The following SENP6 variants were observed in gnomAD, a reference collection of about 807,000 sequenced individuals.
SENP6 encodes SUMO specific peptidase 6.
A neutral mutation model predicts 134.5 loss-of-function variants in SENP6; 41 were observed. The observed-to-expected ratio is 0.30, with a 90% CI of 0.24 to 0.40. The LOEUF is 0.40. Among genes scored for constraint, SENP6 ranks in the 10% least tolerant of loss-of-function variants. The pLI is 1.00. For synonymous variants in SENP6, 395 were observed against 429.8 expected (o/e 0.92, Z 1.00); for missense variants, 1,248 against 1,312.5 (o/e 0.95, Z 0.76).
chr6:75,681,711 C>CT (rs1773478716), intron 16 of SENP6, among the ~76,000 whole-genome samples: 1 of 152,020 alleles, frequency 6.6e-6, no homozygotes, highest in African/African-American at 2.4e-5. Flanking sequence ...GATGACAACT[C>CT]TTGAAACAAA....
chr6:75,702,995 C>A lies in SENP6; in HGVS notation c.2639C>A (p.Thr880Lys). 7 of 1,613,852 alleles carry A rather than the reference C, an allele frequency of 4.3e-6. No homozygotes were observed. The highest frequency in any genetic ancestry group is 5.9e-6 in the Non-Finnish European group (7 of 1,179,868). ...GAAGAATTCAATAAAGGAGAATCTA[C>A]ATCCCAGAAAGTTGCTGATAGGACT... is the stretch of plus-strand genomic sequence containing the variant. ...ENEEFNKGES[T>K]SQKVADRTKS... The change falls in exon 19 of 24, where the codon ACA (threonine) becomes AAA (lysine). Residue 880 changes from threonine (T) to lysine (K), a missense_variant. Coordinates refer to ENST00000447266, the MANE Select transcript of SENP6 (RefSeq NM_015571.4).
At chr6:75,640,768 G>T in intron 6 of SENP6, 64 bp downstream of exon 6, 2 of 1,032,822 alleles carry the variant, frequency 1.9e-6, no homozygotes, top group Non-Finnish European at 1.4e-6. Context: ...TTATTTATAT[G>T]TTTTGAAAAA....
intron 16 of SENP6, among the ~76,000 whole-genome samples, chr6:75,687,992 C>A (rs1199983607): frequency 6.6e-6 from 1 of 152,236 alleles, no homozygotes; most frequent in Non-Finnish European, 1.5e-5. Flanking sequence ...CAGCTATGCC[C>A]TGCCCACAGT....
At chr6:75,701,705 T>G (rs775940473) in intron 18 of SENP6, among the ~76,000 whole-genome samples, 1 of 121,324 alleles carries the variant, frequency 8.2e-6, no homozygotes, top group Admixed American at 1.2e-4. Context: ...AGTGGCACAA[T>G]CTCAGCTCAC....
At chr6:75,672,918 C>T (rs999294157) in intron 11 of SENP6, among the ~76,000 whole-genome samples, 10 of 152,090 alleles carry the variant, frequency 6.6e-5, no homozygotes, top group Non-Finnish European at 7.3e-5. Context: ...AGCTCCGCCT[C>T]CTGGGTTCAT....
intron 6 of SENP6, chr6:75,646,404 T>G (rs1770441307): frequency 6.6e-6 from 1 of 152,216 alleles, no homozygotes; most frequent in South Asian, 2.1e-4. Context: ...CATGGACAAG[T>G]TGATTAACCT....
At chr6:75,634,654 T>C in intron 4 of SENP6, 53 bp from the exon 5 acceptor site, 2 of 964,458 alleles carry the variant, frequency 2.1e-6, no homozygotes, top group Non-Finnish European at 3.1e-6. Context: ...TTTTTATAAA[T>C]GTGTATATAA....
chr6:75,617,117 G>A (rs1212060975), intron 1 of SENP6, among the ~76,000 whole-genome samples: 1 of 151,710 alleles, frequency 6.6e-6, no homozygotes, highest in Non-Finnish European at 1.5e-5. Context: ...GGGCTAAAGT[G>A]ATCTGCCCAC....
chr6:75,621,329 A>G (rs1024153326), intron 1 of SENP6, among the ~76,000 whole-genome samples: 7 of 152,220 alleles, frequency 4.6e-5, no homozygotes, highest in African/African-American at 1.4e-4. Flanking sequence ...AAGCACATGT[A>G]TGGATGATTA....
chr6:75,641,385 T>C (rs1561996229), intron 6 of SENP6, among the ~76,000 whole-genome samples: 1 of 152,208 alleles, frequency 6.6e-6, no homozygotes. Context: ...AATACCCTTG[T>C]TTTTATGCTT....
chr6:75,670,526 A>C, intron 10 of SENP6, 27 bp from the exon 11 acceptor site: 1 of 1,547,958 alleles, frequency 6.5e-7, no homozygotes, highest in Non-Finnish European at 8.8e-7. Flanking sequence ...GTAAATTATT[A>C]AGTGAACATT....
At chr6:75,631,157 AGTGCTTTTAAC>A (rs1319404072) in intron 3 of SENP6, among the ~76,000 whole-genome samples, 1 of 152,124 alleles carries the variant, frequency 6.6e-6, no homozygotes, top group Non-Finnish European at 1.5e-5. Context: ...TCAGAATTTA[AGTGCTTTTAAC>A]ATACATATGT....
chr6:75,656,473 C>T (rs1771348596), intron 7 of SENP6, among the ~76,000 whole-genome samples: 1 of 152,170 alleles, frequency 6.6e-6, no homozygotes, highest in Non-Finnish European at 1.5e-5. Flanking sequence ...CCACAGGCCA[C>T]TTACTAAGTA....
chr6:75,640,979 C>G (rs1769984668), intron 6 of SENP6, among the ~76,000 whole-genome samples: 1 of 152,102 alleles, frequency 6.6e-6, no homozygotes. Flanking sequence ...TTCAAAGTCC[C>G]TTTTTCTGGC....
chr6:75,691,379 C>A (rs1363203447), intron 16 of SENP6, among the ~76,000 whole-genome samples: 1 of 152,090 alleles, frequency 6.6e-6, no homozygotes, highest in African/African-American at 2.4e-5. Flanking sequence ...GATCCTCCCA[C>A]CACTGTGCCC....
At position 75,659,265 on chromosome 6, in the gene SENP6, G is replaced by A. The variant is rs563854733; in HGVS notation, c.554G>A (p.Arg185His). ...VRLSRLQGVE[R>H]IMKKTEESES... ...TATTTTTTTCTCCTTCCTTTAGAAC[G>A]TATAATGAAGAAAACAGAAGAGTCC... Residue 185 changes from arginine to histidine, a missense_variant, in exon 8 of 24, where the codon CGT becomes CAT. By Grantham distance (29) the Arg-to-His change is conservative. Transcript: ENST00000447266. 48 of 1,596,072 alleles carry A rather than the reference G, an allele frequency of 3.0e-5. No individual in the cohort carries two copies. In the African/African-American group the frequency reaches 3.7e-4, roughly 12 times the overall value.
Position 75,631,208 on chromosome 6 carries a change from CTTA to C in SENP6, c.208-2368_208-2366del, listed in dbSNP as rs1196485603. On this transcript the variant is annotated intron_variant, in intron 3 of 23. Transcript: ENST00000447266. Reference sequence around the variant, plus strand: ...AACTTAATGGTTTCTATTAGGTTCTCTTATTATCTGATATTCTTCGGTGCTAAA... The same window carrying C: ...AACTTAATGGTTTCTATTAGGTTCTCTTATCTGATATTCTTCGGTGCTAAA... Among the ~76,000 whole-genome samples, 9 of 152,090 alleles carry C rather than the reference CTTA, an allele frequency of 5.9e-5. No individual in the cohort carries two copies. In the South Asian group the frequency reaches 6.2e-4, roughly 11 times the overall value.
intron 1 of SENP6, among the ~76,000 whole-genome samples, chr6:75,614,358 C>G (rs757512201): frequency 1.3e-5 from 2 of 151,714 alleles, no homozygotes; most frequent in Non-Finnish European, 2.9e-5. Flanking sequence ...CTCTGCCTCC[C>G]AGGTTTAAGC....
rs759112613 is a variant in SENP6, at chr6:75,634,753, G to T, written c.400G>T (p.Gly134Cys). Reference protein sequence around the residue: ...TSLCSGTVVHGRRFHHAHAQI... With the variant: ...TSLCSGTVVHCRRFHHAHAQI... ...ATTATGTTCTGGAACTGTAGTTCAT[G>T]GTAGACGTTTTCATCATGCTCATGC... Residue 134 changes from glycine to cysteine, a missense_variant, in exon 5 of 24, where the codon GGT becomes TGT. Around this residue, in one of 3 missense-constraint regions of SENP6, gnomAD observed 733 missense variants for 725.4 expected, o/e 1.01. Coordinates refer to ENST00000447266, the MANE Select transcript of SENP6 (RefSeq NM_015571.4). The T allele has an allele frequency of 1.9e-6, 3 of 1,596,242 alleles. No individual in the cohort carries two copies. In the South Asian group the frequency reaches 3.5e-5, roughly 19 times the overall value.
Sources: gnomAD v4.1 joint callset for allele counts (sites outside exome capture counted in the v4.1 genomes callset) on GRCh38, gnomAD v4.1.1 for gene constraint, gnomAD v4.1.1 regional missense constraint, MANE v1.5 for transcripts, NCBI Gene and HGNC (gene_info 2026-07-23, HGNC 2026-07-21) for gene names.